DPYD: variants seen among roughly 807,000 people sequenced by gnomAD.
The protein encoded by DPYD is dihydropyrimidine dehydrogenase [NADP(+)].
In DPYD, 109 loss-of-function variants were observed where a neutral mutation model predicts 116.2. The observed-to-expected ratio is 0.94, with a 90% CI of 0.80 to 1.10. The LOEUF is 1.10. Among genes scored for constraint, DPYD ranks in the 50% least tolerant of loss-of-function variants. The probability of loss-of-function intolerance (pLI) is 0.00; values close to 1 mark genes in which losing one functional copy is unlikely to be tolerated. For synonymous variants in DPYD, 440 were observed against 432.0 expected, an observed-to-expected ratio of 1.02 and a Z score of -0.23; for missense variants, 1,302 against 1,254.5, an observed-to-expected ratio of 1.04 and a Z score of -0.57.
At chr1:97,399,905 T>C (rs1673268152) in intron 14 of DPYD, among the ~76,000 whole-genome samples, 1 of 152,176 alleles carries the variant, frequency 6.6e-6, no homozygotes. Context: ...CAAGGACAAT[T>C]TGACTTACTC....
intron 8 of DPYD, among the ~76,000 whole-genome samples, chr1:97,662,226 T>C (rs1571148755): frequency 6.6e-6 from 1 of 151,280 alleles, no homozygotes; most frequent in African/African-American, 2.4e-5. Context: ...GGTCTCTCGA[T>C]CTCCTGACCT....
intron 11 of DPYD, among the ~76,000 whole-genome samples, chr1:97,570,462 A>G (rs901421003): frequency 6.6e-6 from 1 of 151,982 alleles, no homozygotes; most frequent in Non-Finnish European, 1.5e-5. Flanking sequence ...GGAATAATTC[A>G]ACAGGGAACA....
chr1:97,313,218 A>G (rs1006238034), intron 16 of DPYD, among the ~76,000 whole-genome samples: 2 of 151,896 alleles, frequency 1.3e-5, no homozygotes, highest in African/African-American at 4.8e-5. Flanking sequence ...GAATTGATAG[A>G]GCCTACACCA....
intron 14 of DPYD, among the ~76,000 whole-genome samples, chr1:97,398,152 T>C (rs1222648877): frequency 6.6e-6 from 1 of 152,080 alleles, no homozygotes; most frequent in Non-Finnish European, 1.5e-5. Flanking sequence ...TGTGTCCAAG[T>C]GTTCTCATTG....
Position 97,129,510 on chromosome 1 carries a change from G to A in DPYD, c.2623-30878C>T, listed in dbSNP as rs575504759. On this transcript the variant is annotated intron_variant, in intron 20 of 22. Transcript: ENST00000370192. ...GACTAGAAAGCTTCGTGTGACCTCT[G>A]ACTTCTTTGCTGTTGCCCCTAGTTG... Among the ~76,000 whole-genome samples the A allele has an allele frequency of 3.0e-4, 45 of 152,182 alleles. 1 individual carries two copies. The highest frequency in any genetic ancestry group is 1.1e-3 in the African/African-American group (44 of 41,530).
intron 19 of DPYD, among the ~76,000 whole-genome samples, chr1:97,228,909 T>G (rs1254537577): frequency 6.6e-6 from 1 of 151,976 alleles, no homozygotes; most frequent in Middle Eastern, 3.2e-3. Context: ...AGAAAGAATT[T>G]GAGGCTGGGT....
At chr1:97,779,548 T>C (rs879138795) in intron 3 of DPYD, among the ~76,000 whole-genome samples, 1 of 152,102 alleles carries the variant, frequency 6.6e-6, no homozygotes, top group Non-Finnish European at 1.5e-5. Context: ...CATTGCACCA[T>C]GAAACATGAA....
chr1:97,697,842 C>T (rs1349027789), intron 6 of DPYD, among the ~76,000 whole-genome samples: 1 of 151,918 alleles, frequency 6.6e-6, no homozygotes, highest in Non-Finnish European at 1.5e-5. Flanking sequence ...AGGGTTGGTT[C>T]CATTTTAGGC....
At chr1:97,727,067 A>T (rs927296887) in intron 4 of DPYD, among the ~76,000 whole-genome samples, 1 of 151,738 alleles carries the variant, frequency 6.6e-6, no homozygotes, top group African/African-American at 2.4e-5. Context: ...AATGTCTTCT[A>T]AATATAAAGC....
intron 3 of DPYD, among the ~76,000 whole-genome samples, chr1:97,770,942 A>G (rs1415435332): frequency 1.3e-5 from 2 of 152,218 alleles, no homozygotes; most frequent in Non-Finnish European, 2.9e-5. Flanking sequence ...TGTTTATCTA[A>G]CATATGAAAA....
Position 97,205,888 on chromosome 1 carries a change from C to T in DPYD, c.2443-12640G>A, listed in dbSNP as rs144991393. 1.6e-3 allele frequency among the ~76,000 whole-genome samples: 243 copies of T among 152,106 alleles called. 1 individual carries two copies. The highest frequency in any genetic ancestry group is 0.01 in the Middle Eastern group (3 of 294). ...CTGGAAACTTGTACTTGTCTTGAATCTTGTTGAACTCTCACACAATGTGGT... is the reference window on the plus strand; with the variant it reads ...CTGGAAACTTGTACTTGTCTTGAATTTTGTTGAACTCTCACACAATGTGGT... On this transcript the variant is annotated intron_variant, in intron 19 of 22. Coordinates refer to ENST00000370192, the MANE Select transcript of DPYD (RefSeq NM_000110.4).
At chr1:97,877,864 G>C (rs79645286) in intron 2 of DPYD, among the ~76,000 whole-genome samples, 4,248 of 152,058 alleles carry the variant, frequency 0.028, 129 homozygotes, top group Admixed American at 0.096. Context: ...ATGAAAGCGT[G>C]AATGAGATTG....
intron 12 of DPYD, chr1:97,546,076 C>A (rs1252700157): frequency 3.6e-6 from 5 of 1,406,082 alleles, no homozygotes; most frequent in Non-Finnish European, 5.0e-6. Context: ...ACAGTAGGAT[C>A]CTTAGTTACA....
chr1:97,412,794 T>C (rs551407153), intron 14 of DPYD, among the ~76,000 whole-genome samples: 55 of 152,334 alleles, frequency 3.6e-4, no homozygotes, highest in African/African-American at 1.3e-3. Context: ...TCACTTGATT[T>C]AAAAGACAAA....
chr1:97,721,032 C>T lies in DPYD; in HGVS notation c.483+478G>A, dbSNP rs544749001. The T allele has an allele frequency of 9.2e-5, 132 of 1,440,518 alleles. 1 individual carries two copies. The Admixed American group carries it at 1.2e-3, about 13-fold the overall frequency. 89.2% of individuals were successfully genotyped at this position (1,440,518 alleles called of 1,614,324 possible). A position where few individuals can be genotyped will look rare whatever the true frequency, so the allele number is the denominator to read the frequency against. On this transcript the variant is annotated intron_variant, in intron 5 of 22. Coordinates refer to ENST00000370192, the MANE Select transcript of DPYD (RefSeq NM_000110.4). ...TCTATAAGTTCACAAAATCTAATGA[C>T]ATTATTAATGTGGTTAAATAACATT... is the stretch of plus-strand genomic sequence containing the variant.
At chr1:97,775,961 C>T (rs1001436650) in intron 3 of DPYD, among the ~76,000 whole-genome samples, 17 of 151,766 alleles carry the variant, frequency 1.1e-4, no homozygotes, top group African/African-American at 2.7e-4. Flanking sequence ...TTTTTACTTA[C>T]GGTGGGTGCA....
chr1:97,627,915 G>T (rs1391432930), intron 8 of DPYD, among the ~76,000 whole-genome samples: 1 of 151,938 alleles, frequency 6.6e-6, no homozygotes, highest in Non-Finnish European at 1.5e-5. Flanking sequence ...GGCCTTTTGA[G>T]CCATGCTAAA....
chr1:97,751,466 A>ATG (rs1479266448), intron 3 of DPYD, among the ~76,000 whole-genome samples: 1 of 77,036 alleles, frequency 1.3e-5, no homozygotes, highest in Non-Finnish European at 2.7e-5. Context: ...GTGTGTATAT[A>ATG]TATATATATA....
At chr1:97,257,452 T>TATATATAGATAGAG (rs375490078) in intron 18 of DPYD, among the ~76,000 whole-genome samples, 7 of 126,474 alleles carry the variant, frequency 5.5e-5, no homozygotes, top group African/African-American at 2.2e-4. Flanking sequence ...TATATATATA[T>TATATATAGATAGAG]AGAGAGAGAG....
Sources: gnomAD v4.1 joint callset for allele counts (sites outside exome capture counted in the v4.1 genomes callset) on GRCh38, gnomAD v4.1.1 for gene constraint, MANE v1.5 for transcripts, NCBI Gene and HGNC (gene_info 2026-07-23, HGNC 2026-07-21) for gene names.